The following ARHGAP39 variants were observed in gnomAD, a reference collection of about 807,000 sequenced individuals.
ARHGAP39 encodes Rho GTPase activating protein 39, also known as rho GTPase-activating protein 39.
Under a neutral mutation model 106.9 loss-of-function variants are expected in ARHGAP39, and 44 were observed. The ratio of observed to expected loss-of-function variants is 0.41; its 90% CI spans 0.32 to 0.53. The LOEUF (loss-of-function observed/expected upper bound fraction) is 0.53, where lower values mean the gene tolerates loss of function less well. Among genes scored for constraint, ARHGAP39 ranks in the 20% least tolerant of loss-of-function variants. The probability of loss-of-function intolerance (pLI) is 0.21; values close to 1 mark genes in which losing one functional copy is unlikely to be tolerated. For missense variants in ARHGAP39, 1,496 were observed against 1,577.3 expected, an observed-to-expected ratio of 0.95 and a Z score of 0.87; for synonymous variants, 768 against 693.2, an observed-to-expected ratio of 1.11 and a Z score of -1.69.
chr8:144,611,917 G>A (rs1417869538), intron 1 of ARHGAP39, among the ~76,000 whole-genome samples: 1 of 151,966 alleles, frequency 6.6e-6, no homozygotes, highest in Non-Finnish European at 1.5e-5. Context: ...GACGAGGCAG[G>A]AGAATCGCCT....
chr8:144,624,414 C>T (rs1484911767), intron 1 of ARHGAP39, among the ~76,000 whole-genome samples: 2 of 152,238 alleles, frequency 1.3e-5, no homozygotes, highest in African/African-American at 4.8e-5. Context: ...TGAACTAGAA[C>T]ACATCATTTC....
chr8:144,538,562 T>C (rs1157101224), intron 6 of ARHGAP39, among the ~76,000 whole-genome samples: 2 of 152,212 alleles, frequency 1.3e-5, no homozygotes, highest in African/African-American at 2.4e-5. Flanking sequence ...AGTATGGACT[T>C]AGTTTTTTCT....
intron 1 of ARHGAP39, among the ~76,000 whole-genome samples, chr8:144,606,915 C>A (rs1306533239): frequency 1.5e-5 from 2 of 131,532 alleles, no homozygotes; most frequent in East Asian, 2.2e-4. Flanking sequence ...TGGACACACA[C>A]AAAAAACAAT....
At position 144,646,965 on chromosome 8, in the gene ARHGAP39, ATTTTTTTTT is replaced by A. The variant is rs1174032022; in HGVS notation, c.-82+38712_-82+38720del. Among the ~76,000 whole-genome samples the A allele has an allele frequency of 1.7e-5, 2 of 114,638 alleles. No individual in the cohort carries two copies. The highest frequency in any genetic ancestry group is 1.8e-4 in the Admixed American group (2 of 11,138). The allele number at this position is 114,638 out of a possible 152,430, so 75.2% of individuals were successfully genotyped here. On this transcript the variant is annotated intron_variant, in intron 1 of 11. Coordinates refer to ENST00000377307, the MANE Select transcript of ARHGAP39 (RefSeq NM_025251.3). This position sits in a 1 kb window ranked among gnomAD's most constrained non-coding sequence, Gnocchi z 5.7. ...TGGAGGCATCTGCTCTGCTCTGACC[ATTTTTTTTT>A]TTTTTTTTTTTTTGAGACAGAGTCT...
chr8:144,548,263 A>G lies in ARHGAP39; in HGVS notation c.823T>C (p.Phe275Leu). ...IFFPERRPSP[F>L]LKRAELPGSS... The stretch of plus-strand genomic sequence containing the variant: ...CCTGGGAGCTCGGCCCTCTTCAGGA[A>G]GGGTGACGGCCTCCTCTCTGGGAAG... Residue 275 changes from phenylalanine to leucine, a missense_variant, in exon 5 of 12, where the codon TTC becomes CTC. This residue lies in a region of ARHGAP39 where 905 missense variants were observed against 816.4 expected (regional missense o/e 1.11). Transcript: ENST00000377307. The surrounding 1 kb of genome is among the most constrained non-coding windows in gnomAD (Gnocchi z 7.4). 1 of 1,608,782 alleles carries G rather than the reference A, an allele frequency of 6.2e-7. No individual in the cohort carries two copies. The highest frequency in any genetic ancestry group is 8.5e-7 in the Non-Finnish European group (1 of 1,177,800).
intron 2 of ARHGAP39, among the ~76,000 whole-genome samples, chr8:144,599,238 T>G (rs996854870): frequency 1.3e-5 from 2 of 152,186 alleles, no homozygotes; most frequent in Non-Finnish European, 2.9e-5. Flanking sequence ...GCAGTCCTTG[T>G]AATTGCAGAA....
intron 1 of ARHGAP39, among the ~76,000 whole-genome samples, chr8:144,617,205 T>TA (rs377397330): frequency 0.038 from 5,250 of 139,278 alleles, 165 homozygotes; most frequent in Admixed American, 0.074. Flanking sequence ...AGACTCTGTG[T>TA]AAAAAAAAAA....
At chr8:144,623,233 AAAAAGAAACAAAAATAATCC>A (rs1203784280) in intron 1 of ARHGAP39, among the ~76,000 whole-genome samples, 5 of 152,242 alleles carry the variant, frequency 3.3e-5, no homozygotes, top group Admixed American at 2.0e-4. Context: ...AGTAGAGAAG[AAAAAGAAACAAAAATAATCC>A]AAAAGAAGTC....
At chr8:144,697,831 A>G in the ARHGAP39 span, among the ~76,000 whole-genome samples, 2 of 152,170 alleles carry the variant, frequency 1.3e-5, no homozygotes, top group African/African-American at 2.4e-5. Flanking sequence ...ATGAATTGCA[A>G]TGGTATGTAG....
chr8:144,618,018 G>C (rs922144031), intron 1 of ARHGAP39, among the ~76,000 whole-genome samples: 1 of 152,068 alleles, frequency 6.6e-6, no homozygotes, highest in Non-Finnish European at 1.5e-5. Context: ...CCTGGCTCAA[G>C]GGATCTGCCT....
chr8:144,591,125 C>T lies in ARHGAP39; in HGVS notation c.81-9848G>A, dbSNP rs944730950. On this transcript the variant is annotated intron_variant, in intron 2 of 11. Coordinates refer to ENST00000377307, the MANE Select transcript of ARHGAP39 (RefSeq NM_025251.3). This position sits in a 1 kb window ranked among gnomAD's most constrained non-coding sequence, Gnocchi z 5.3. ...TCCATGACCTCCTGGAGCCGGGTGG[C>T]TGCGCAGGCCTGGGGTGCAAGGCCA... 1.3e-5 allele frequency among the ~76,000 whole-genome samples: 2 copies of T among 152,174 alleles called. No individual in the cohort carries two copies. The highest frequency in any genetic ancestry group is 4.8e-5 in the African/African-American group (2 of 41,454).
chr8:144,569,038 CAT>C (rs1378615958), intron 3 of ARHGAP39, among the ~76,000 whole-genome samples: 1 of 152,168 alleles, frequency 6.6e-6, no homozygotes, highest in Non-Finnish European at 1.5e-5. Context: ...TGAATAAAAA[CAT>C]GTGACCTAAT....
intron 3 of ARHGAP39, among the ~76,000 whole-genome samples, chr8:144,576,054 C>T (rs1248091003): frequency 2.0e-5 from 3 of 152,074 alleles, no homozygotes; most frequent in African/African-American, 7.2e-5. Context: ...ACAGAGTGGC[C>T]GGGCATGGTG....
intron 1 of ARHGAP39, among the ~76,000 whole-genome samples, chr8:144,619,391 TGCCCATGTGCGTGTGC>T (rs1380786213): frequency 5.3e-5 from 8 of 151,742 alleles, no homozygotes; most frequent in Middle Eastern, 3.4e-3. Flanking sequence ...GGAGAGTGTG[TGCCCATGTGCGTGTGC>T]GCCCGTGTGC....
At chr8:144,629,306 C>T (rs1284969870) in intron 1 of ARHGAP39, among the ~76,000 whole-genome samples, 1 of 152,232 alleles carries the variant, frequency 6.6e-6, no homozygotes, top group African/African-American at 2.4e-5. Context: ...CAAGAGCAGA[C>T]CCGCAGGCTC....
chr8:144,536,347 G>A (rs898206427), intron 7 of ARHGAP39, among the ~76,000 whole-genome samples: 1 of 152,090 alleles, frequency 6.6e-6, no homozygotes, highest in African/African-American at 2.4e-5. Flanking sequence ...CACCAGGTGT[G>A]GCCAGGGCCT....
At position 144,591,877 on chromosome 8, in the gene ARHGAP39, G is replaced by A. The variant is rs777806531; in HGVS notation, c.81-10600C>T. Among the ~76,000 whole-genome samples the A allele has an allele frequency of 4.6e-5, 7 of 152,128 alleles. No homozygotes were observed. The highest frequency in any genetic ancestry group is 1.3e-4 in the Admixed American group (2 of 15,270). ...GATGGCGGCGTCGCCTCGTCGCCTC[G>A]TGCCTGCGGGGAGTGCTGCCTGTGG... On this transcript the variant is annotated intron_variant, in intron 2 of 11. Transcript: ENST00000377307. This position sits in a 1 kb window ranked among gnomAD's most constrained non-coding sequence, Gnocchi z 5.3.
chr8:144,605,496 TG>T (rs1820251260), intron 2 of ARHGAP39, 38 bp downstream of exon 2: 1 of 1,605,648 alleles, frequency 6.2e-7, no homozygotes, highest in African/African-American at 1.3e-5. Flanking sequence ...CACCCACTCG[TG>T]AGGCCCGGGC....
chr8:144,599,973 T>C lies in ARHGAP39; in HGVS notation c.80+5562A>G, dbSNP rs117204960. Among the ~76,000 whole-genome samples, 699 of 152,268 alleles carry C rather than the reference T, an allele frequency of 4.6e-3. 3 individuals carry two copies. Among genetic ancestry groups the C allele is most frequent in the Non-Finnish European group, 7.3e-3 (495 of 68,012 alleles). On this transcript the variant is annotated intron_variant, in intron 2 of 11. Transcript: ENST00000377307. ...ATGGAAGAGGGGACCACAGAGCAAC[T>C]CTCTGTGGGAGGGACGGGACTGGGG... is the stretch of plus-strand genomic sequence containing the variant.
Sources: allele counts gnomAD v4.1 joint callset (sites outside exome capture counted in the v4.1 genomes callset), GRCh38; gene constraint gnomAD v4.1.1; regional missense constraint gnomAD v4.1.1; non-coding constraint Gnocchi (gnomAD v3.1); transcripts MANE v1.5; gene names NCBI Gene and HGNC (gene_info 2026-07-23, HGNC 2026-07-21).